UACA: variants seen among roughly 807,000 people sequenced by gnomAD.
The protein encoded by UACA is nuclear membrane binding protein.
In UACA, 112 loss-of-function variants were observed where a neutral mutation model predicts 160.5. The observed-to-expected ratio is 0.70, with a 90% CI of 0.60 to 0.82. The LOEUF is 0.82. Ranked by LOEUF, UACA falls within the 40% of genes least tolerant of loss-of-function variation. The probability of loss-of-function intolerance (pLI) is 0.00; values close to 1 mark genes in which losing one functional copy is unlikely to be tolerated. For synonymous variants in UACA, 557 were observed against 568.4 expected (o/e 0.98, Z 0.29); for missense variants, 1,574 against 1,614.6 (o/e 0.97, Z 0.43).
Position 70,690,449 on chromosome 15 carries a change from C to T in UACA, c.424+5G>A. The stretch of plus-strand genomic sequence containing the variant: ...TATTTGTATCCAAGGGAAACCACTG[C>T]TCACCGGCATCGTGAAGTGCAGTTC... On this transcript the variant is annotated splice_donor_5th_base_variant and intron_variant, in intron 5 of 18. Transcript: ENST00000322954. The T allele has an allele frequency of 6.2e-7, 1 of 1,612,450 alleles. No homozygotes were observed. The highest frequency in any genetic ancestry group is 1.1e-5 in the South Asian group (1 of 90,768).
intron 1 of UACA, among the ~76,000 whole-genome samples, chr15:70,721,899 TAA>T (rs1899004752): frequency 1.3e-5 from 2 of 152,174 alleles, no homozygotes; most frequent in Admixed American, 1.3e-4. Flanking sequence ...AACATTCAAT[TAA>T]AGTGGTTACC....
intron 1 of UACA, among the ~76,000 whole-genome samples, chr15:70,717,036 A>G (rs1898840890): frequency 6.6e-6 from 1 of 152,192 alleles, no homozygotes; most frequent in Non-Finnish European, 1.5e-5. Flanking sequence ...AGTCTAACCA[A>G]TATGGAGAAA....
intron 1 of UACA, among the ~76,000 whole-genome samples, chr15:70,720,715 A>C (rs1450836508): frequency 1.3e-5 from 2 of 152,224 alleles, no homozygotes; most frequent in Non-Finnish European, 1.5e-5. Context: ...GAAGCAAAGT[A>C]AGTCAATATT....
chr15:70,690,638 C>T lies in UACA; in HGVS notation c.367-127G>A, dbSNP rs148033681. 3.5e-4 allele frequency: 234 copies of T among 674,678 alleles called. No individual in the cohort carries two copies. The Middle Eastern group carries it at 6.9e-3, about 20-fold the overall frequency. The allele number at this position is 674,678 out of a possible 1,614,324, so 41.8% of individuals were successfully genotyped here. A position where few individuals can be genotyped will look rare whatever the true frequency, so the allele number is the denominator to read the frequency against. ...CTTATCAAAGAAGCTAAAGACTATC[C>T]GACAATCCATGAAATATGCTGACAT... On this transcript the variant is annotated intron_variant, in intron 4 of 18. Transcript: ENST00000322954.
At chr15:70,776,883 G>T in the UACA span, among the ~76,000 whole-genome samples, 8 of 152,224 alleles carry the variant, frequency 5.3e-5, no homozygotes, top group African/African-American at 1.9e-4. Flanking sequence ...AGTTATAAGT[G>T]CTAGACTGAT....
chr15:70,728,715 C>CT (rs1358278323), intron 1 of UACA, among the ~76,000 whole-genome samples: 5 of 152,174 alleles, frequency 3.3e-5, no homozygotes, highest in African/African-American at 9.6e-5. Context: ...AGCTAAAGAG[C>CT]TTCCACACAG....
intron 1 of UACA, among the ~76,000 whole-genome samples, chr15:70,740,864 C>T (rs1181529338): frequency 6.6e-6 from 1 of 151,504 alleles, no homozygotes; most frequent in African/African-American, 2.4e-5. Context: ...CATGGTGAAA[C>T]CCCGTCTCTA....
chr15:70,667,405 A>T lies in UACA; in HGVS notation c.3279T>A (p.Asn1093Lys). The T allele has an allele frequency of 2.5e-6, 4 of 1,611,438 alleles. No homozygotes were observed. The highest frequency in any genetic ancestry group is 3.4e-6 in the Non-Finnish European group (4 of 1,179,876). ...KNVKEKLVEENAKQTSEILAV... is the reference protein window; with the variant it reads ...KNVKEKLVEEKAKQTSEILAV... ...CAAGTATCTCAGAAGTCTGTTTGGCATTTTCTTCTACTAGCTTCTCTTTCA... is the reference window on the plus strand; with the variant it reads ...CAAGTATCTCAGAAGTCTGTTTGGCTTTTTCTTCTACTAGCTTCTCTTTCA... Residue 1093 changes from asparagine to lysine, a missense_variant, in exon 16 of 19, where the codon AAT becomes AAA. Asn to Lys is a moderately conservative substitution (Grantham distance 94). Coordinates refer to ENST00000322954, the MANE Select transcript of UACA (RefSeq NM_018003.4).
At chr15:70,703,948 C>T (rs117133271) in intron 1 of UACA, among the ~76,000 whole-genome samples, 4 of 152,248 alleles carry the variant, frequency 2.6e-5, no homozygotes, top group East Asian at 1.9e-4. Flanking sequence ...TACATCTAAA[C>T]GGCCCCGTGT....
chr15:70,748,706 G>A (rs1322802846), intron 1 of UACA, among the ~76,000 whole-genome samples: 1 of 151,990 alleles, frequency 6.6e-6, no homozygotes, highest in Admixed American at 6.6e-5. Context: ...GCTCTCTGTA[G>A]CTCAGAGGAA....
chr15:70,668,865 T>C lies in UACA; in HGVS notation c.1819A>G (p.Arg607Gly), dbSNP rs769480423. Residue 607 changes from arginine to glycine, a missense_variant, in exon 16 of 19, where the codon AGA becomes GGA. By Grantham distance (125) the Arg-to-Gly change is moderately radical (BLOSUM62 -2). Transcript: ENST00000322954. ...MCEMEREKKG[R>G]KVTEMEGQAK... is the part of the protein sequence containing the mutation. ...TGGCCTTCCATCTCTGTGACCTTTCTTCCTTTCTTCTCTCGCTCCATTTCA... is the reference window on the plus strand; with the variant it reads ...TGGCCTTCCATCTCTGTGACCTTTCCTCCTTTCTTCTCTCGCTCCATTTCA... 5.6e-6 allele frequency: 9 copies of C among 1,613,688 alleles called. No individual in the cohort carries two copies. Among genetic ancestry groups the C allele is most frequent in the Admixed American group, 1.7e-5 (1 of 59,962 alleles).
intron 5 of UACA, among the ~76,000 whole-genome samples, chr15:70,688,376 T>C (rs953856193): frequency 7.9e-5 from 12 of 152,176 alleles, no homozygotes; most frequent in African/African-American, 2.9e-4. Flanking sequence ...GGAAAAATTA[T>C]TGTTAAATTC....
chr15:70,674,048 G>A (rs1441262040), intron 13 of UACA, among the ~76,000 whole-genome samples: 2 of 152,134 alleles, frequency 1.3e-5, no homozygotes, highest in African/African-American at 4.8e-5. Context: ...TTTTGGTAGA[G>A]ACGGGATTTC....
chr15:70,691,455 TA>T (rs1897931805), intron 3 of UACA, 92 bp from the exon 4 acceptor site: 1 of 907,386 alleles, frequency 1.1e-6, no homozygotes. Context: ...TTCCCAAAAC[TA>T]GTTGACAACA....
At position 70,668,083 on chromosome 15, in the gene UACA, C is replaced by T. The variant is rs61742861; in HGVS notation, c.2601G>A (p.Glu867=). Residue 867 remains glutamate, a synonymous_variant, in exon 16 of 19, where the codon GAG becomes GAA. Transcript: ENST00000322954. The stretch of plus-strand genomic sequence containing the variant: ...ACGTGTCATTCAGTGTCATTTTAAC[C>T]TCTTCATGGGTTTTAACTGGCACAT... ...NQYVPVKTHE[E]VKMTLNDTLA... is the part of the protein sequence containing the mutation. 3.0e-3 allele frequency: 4,763 copies of T among 1,613,292 alleles called. 121 individuals carry two copies. In the African/African-American group the frequency reaches 0.056, roughly 19 times the overall value.
At position 70,669,210 on chromosome 15, in the gene UACA, T is replaced by C. The variant is rs1372485796; in HGVS notation, c.1474A>G (p.Ile492Val). ...ERVKEDSDEQ[I>V]KQLEDALKDV... ...TTTAATGCATCTTCTAATTGCTTTA[T>C]CTGTTCATCTGAATCCTCCTTGACC... The change falls in exon 16 of 19, where the codon ATA becomes GTA. Residue 492 changes from isoleucine (I) to valine (V), a missense_variant. Physicochemically the swap from Ile to Val is conservative, Grantham distance 29. Coordinates refer to ENST00000322954, the MANE Select transcript of UACA (RefSeq NM_018003.4). 1 of 1,614,008 alleles carries C rather than the reference T, an allele frequency of 6.2e-7. No individual in the cohort carries two copies. Among genetic ancestry groups the C allele is most frequent in the African/African-American group, 1.3e-5 (1 of 74,934 alleles).
At chr15:70,684,059 T>C (rs759752294) in intron 8 of UACA, among the ~76,000 whole-genome samples, 4 of 151,918 alleles carry the variant, frequency 2.6e-5, no homozygotes, top group Non-Finnish European at 4.4e-5. Flanking sequence ...CTGGATAAAC[T>C]AGATTATATA....
chr15:70,725,077 G>A (rs145115097), intron 1 of UACA, among the ~76,000 whole-genome samples: 119 of 150,994 alleles, frequency 7.9e-4, no homozygotes, highest in East Asian at 4.3e-3. Flanking sequence ...GGGCAACACA[G>A]CAAGATCTCA....
In UACA at chr15:70,716,801, T is replaced by C. The variant is rs531161036; in HGVS notation, c.79-17141A>G. 2.3e-3 allele frequency among the ~76,000 whole-genome samples: 349 copies of C among 152,338 alleles called. 4 individuals are homozygous for C. The highest frequency in any genetic ancestry group is 0.02 in the Middle Eastern group (6 of 294). ...GATATGCAAGTATTCATTTAAAACC[T>C]AACAGTATTCATCTATGTTTTATCA... is the stretch of plus-strand genomic sequence containing the variant. On this transcript the variant is annotated intron_variant, in intron 1 of 18. Transcript: ENST00000322954.
Sources: gnomAD v4.1 joint callset for allele counts (sites outside exome capture counted in the v4.1 genomes callset) on GRCh38, gnomAD v4.1.1 for gene constraint, MANE v1.5 for transcripts, NCBI Gene and HGNC (gene_info 2026-07-23, HGNC 2026-07-21) for gene names.